The following UNC5D variants were observed in gnomAD, a reference collection of about 807,000 sequenced individuals.
UNC5D encodes the protein unc-5 netrin receptor D.
Under a neutral mutation model 105.4 loss-of-function variants are expected in UNC5D, and 39 were observed. The ratio of observed to expected loss-of-function variants is 0.37; its 90% CI spans 0.29 to 0.48. The LOEUF is 0.48. Among genes scored for constraint, UNC5D ranks in the 20% least tolerant of loss-of-function variants. UNC5D has a pLI of 0.98. For missense variants in UNC5D, 991 were observed against 1,202.4 expected (o/e 0.82, Z 2.60); for synonymous variants, 452 against 450.4 (o/e 1.00, Z -0.04).
Position 35,790,889 on chromosome 8 carries a change from AGATT to A in UNC5D, c.*331_*334del, listed in dbSNP as rs1803009543. 2.9e-6 allele frequency: 1 copy of A among 348,070 alleles called. No individual in the cohort carries two copies. The allele number at this position is 348,070 out of a possible 1,614,324, so 21.6% of individuals were successfully genotyped here. ...AGCTATGATAATGCTGGGAAGGCAG[AGATT>A]GATTAAGTGCATGCTTTGAAATAGG... On this transcript the variant is annotated 3_prime_UTR_variant, in exon 17 of 17. Coordinates refer to ENST00000404895, the MANE Select transcript of UNC5D (RefSeq NM_080872.4).
intron 3 of UNC5D, among the ~76,000 whole-genome samples, chr8:35,591,057 G>A (rs1170726424): frequency 3.3e-5 from 5 of 152,106 alleles, no homozygotes; most frequent in East Asian, 3.9e-4. Flanking sequence ...TTTTAAAACC[G>A]ACAACTTCCA....
intron 1 of UNC5D, among the ~76,000 whole-genome samples, chr8:35,371,149 G>T (rs867092798): frequency 1.3e-5 from 2 of 151,038 alleles, no homozygotes; most frequent in African/African-American, 4.9e-5. Context: ...GGAGCTCAAG[G>T]TTGCAGTGAG....
chr8:35,277,743 A>G (rs1391594954), intron 1 of UNC5D, among the ~76,000 whole-genome samples: 2 of 152,318 alleles, frequency 1.3e-5, no homozygotes, highest in East Asian at 3.9e-4. Flanking sequence ...TGCTAAAATA[A>G]TAAATTTAAA....
chr8:35,560,101 A>C (rs548208485), intron 2 of UNC5D, among the ~76,000 whole-genome samples: 1 of 152,266 alleles, frequency 6.6e-6, no homozygotes, highest in Non-Finnish European at 1.5e-5. Flanking sequence ...ACTCTACTCC[A>C]TAACAAAGGC....
chr8:35,262,955 G>C (rs1480485022), intron 1 of UNC5D, among the ~76,000 whole-genome samples: 1 of 152,116 alleles, frequency 6.6e-6, no homozygotes, highest in Admixed American at 6.5e-5. Flanking sequence ...AGCAACAGTA[G>C]TTCCTTATTG....
chr8:35,563,446 C>T (rs535253305), intron 2 of UNC5D, among the ~76,000 whole-genome samples: 37 of 151,614 alleles, frequency 2.4e-4, no homozygotes, highest in African/African-American at 8.9e-4. Context: ...TATTTAATTG[C>T]TACTGATATT....
intron 1 of UNC5D, among the ~76,000 whole-genome samples, chr8:35,317,707 G>C (rs1226450375): frequency 3.3e-5 from 5 of 151,998 alleles, no homozygotes; most frequent in Admixed American, 3.3e-4. Flanking sequence ...CTAAGGGTAG[G>C]TATGGAGAAT....
chr8:35,592,778 G>C (rs1819250648), intron 3 of UNC5D, among the ~76,000 whole-genome samples: 1 of 151,972 alleles, frequency 6.6e-6, no homozygotes, highest in African/African-American at 2.4e-5. Flanking sequence ...TACCACTGTT[G>C]GATCCAGATA....
intron 4 of UNC5D, among the ~76,000 whole-genome samples, chr8:35,623,160 C>A (rs983065005): frequency 3.7e-4 from 57 of 152,094 alleles, no homozygotes; most frequent in African/African-American, 1.4e-3. Flanking sequence ...AATTTCTTCT[C>A]CCTGTCCGAT....
intron 4 of UNC5D, among the ~76,000 whole-genome samples, chr8:35,605,340 C>T (rs963288899): frequency 1.3e-5 from 2 of 152,170 alleles, no homozygotes; most frequent in South Asian, 2.1e-4. Context: ...GTATCAGCAG[C>T]GGTGGCTGCA....
chr8:35,704,563 C>G (rs1486420849), intron 7 of UNC5D, among the ~76,000 whole-genome samples: 5 of 152,192 alleles, frequency 3.3e-5, no homozygotes, highest in Non-Finnish European at 5.9e-5. Flanking sequence ...CGTAGGGTCC[C>G]CCTACCATTG....
chr8:35,425,436 A>G (rs1374631956), intron 1 of UNC5D, among the ~76,000 whole-genome samples: 2 of 152,186 alleles, frequency 1.3e-5, no homozygotes, highest in African/African-American at 2.4e-5. Flanking sequence ...AAAATGTGGT[A>G]AATGCTGATG....
chr8:35,316,647 C>T (rs1173463905), intron 1 of UNC5D, among the ~76,000 whole-genome samples: 2 of 151,988 alleles, frequency 1.3e-5, no homozygotes, highest in African/African-American at 4.8e-5. Context: ...CAATCCCTGG[C>T]CTTTTGATTT....
intron 1 of UNC5D, among the ~76,000 whole-genome samples, chr8:35,543,391 C>A (rs1227104099): frequency 6.6e-6 from 1 of 152,140 alleles, no homozygotes; most frequent in Non-Finnish European, 1.5e-5. Flanking sequence ...TTTTATGAAT[C>A]CCAATTTTGG....
At chr8:35,292,689 A>G (rs946346427) in intron 1 of UNC5D, among the ~76,000 whole-genome samples, 1 of 148,852 alleles carries the variant, frequency 6.7e-6, no homozygotes, top group Non-Finnish European at 1.5e-5. Context: ...TTATTTTGCT[A>G]TATGCTGTAG....
chr8:35,630,965 G>A (rs1032647343), intron 4 of UNC5D, among the ~76,000 whole-genome samples: 7 of 152,222 alleles, frequency 4.6e-5, no homozygotes, highest in Admixed American at 2.0e-4. Context: ...ATTAAGACTA[G>A]GTTTTCTCCT....
chr8:35,707,775 A>G (rs988404402), intron 8 of UNC5D, among the ~76,000 whole-genome samples: 1 of 152,192 alleles, frequency 6.6e-6, no homozygotes, highest in Non-Finnish European at 1.5e-5. Context: ...TTCCAGGCAT[A>G]AACCCCGCAG....
chr8:35,642,809 A>G (rs1384668701), intron 4 of UNC5D, among the ~76,000 whole-genome samples: 1 of 152,158 alleles, frequency 6.6e-6, no homozygotes, highest in Non-Finnish European at 1.5e-5. Context: ...AGACATTTTA[A>G]TGATGTCCTA....
intron 1 of UNC5D, among the ~76,000 whole-genome samples, chr8:35,540,422 A>C (rs1312181681): frequency 1.3e-5 from 2 of 150,168 alleles, no homozygotes; most frequent in East Asian, 3.9e-4. Flanking sequence ...GAAGCCCTTT[A>C]TATTCTTTCA....
Sources: gnomAD v4.1 joint callset for allele counts (sites outside exome capture counted in the v4.1 genomes callset) on GRCh38, gnomAD v4.1.1 for gene constraint, MANE v1.5 for transcripts, NCBI Gene and HGNC (gene_info 2026-07-23, HGNC 2026-07-21) for gene names.